The following FNDC3B variants were observed in gnomAD, a reference collection of about 807,000 sequenced individuals.
FNDC3B encodes the protein fibronectin type III domain-containing protein 3B.
FNDC3B carries 12 observed loss-of-function variants against 151.5 expected under a neutral mutation model. The ratio of observed to expected loss-of-function variants is 0.08; its 90% CI spans 0.05 to 0.13. The LOEUF is 0.13. Among genes scored for constraint, FNDC3B ranks in the 10% least tolerant of loss-of-function variants. The probability of loss-of-function intolerance (pLI) is 1.00; values close to 1 mark genes in which losing one functional copy is unlikely to be tolerated. For missense variants in FNDC3B, 1,214 were observed against 1,505.3 expected (o/e 0.81, Z 3.20); for synonymous variants, 528 against 549.0 (o/e 0.96, Z 0.54).
At chr3:172,213,936 A>T (rs1463266051) in intron 3 of FNDC3B, among the ~76,000 whole-genome samples, 2 of 152,198 alleles carry the variant, frequency 1.3e-5, no homozygotes, top group Non-Finnish European at 2.9e-5. Flanking sequence ...TGAAAGTGAA[A>T]TTGTAGCTTG....
chr3:172,359,762 AGTG>A (rs1291712458), intron 22 of FNDC3B, among the ~76,000 whole-genome samples: 1 of 152,204 alleles, frequency 6.6e-6, no homozygotes, highest in Non-Finnish European at 1.5e-5. Context: ...CTAATCTTTC[AGTG>A]TTATACCGAG....
In FNDC3B at chr3:172,116,573, G is replaced by GT. The variant is rs773001347; in HGVS notation, c.111+3993dup. Among the ~76,000 whole-genome samples, 164 of 148,236 alleles carry GT rather than the reference G, an allele frequency of 1.1e-3. 2 individuals are homozygous for GT. In the East Asian group the frequency reaches 0.024, roughly 22 times the overall value. On this transcript the variant is annotated intron_variant, in intron 2 of 25. Coordinates refer to ENST00000415807, the MANE Select transcript of FNDC3B (RefSeq NM_022763.4). The stretch of plus-strand genomic sequence containing the variant: ...CTGGCATCTTTCACCCAACATCTTT[G>GT]TTTTTTTTTTGAGATGGAGTCTCGC...
chr3:172,114,580 T>G (rs900329815), intron 2 of FNDC3B, among the ~76,000 whole-genome samples: 4 of 152,172 alleles, frequency 2.6e-5, no homozygotes, highest in African/African-American at 9.7e-5. Flanking sequence ...TTAACAATTT[T>G]GGTTAATAAA....
intron 12 of FNDC3B, 63 bp from the exon 13 acceptor site, chr3:172,330,478 C>T (rs901088546): frequency 2.5e-5 from 37 of 1,461,778 alleles, no homozygotes; most frequent in African/African-American, 4.2e-5. Flanking sequence ...GAGCCTTCCT[C>T]TTTTAAAATG....
rs889199569 is a variant in FNDC3B at position 172,040,197 on chromosome 3, G to T, written c.-29+426G>T. Among the ~76,000 whole-genome samples, 2 of 152,230 alleles carry T rather than the reference G, an allele frequency of 1.3e-5. No homozygotes were observed. The highest frequency in any genetic ancestry group is 2.9e-5 in the Non-Finnish European group (2 of 68,032). ...CGGCAGGAACGCTGCCCAGGAGGGGGAGGGCGGGCGGCGAGGCCGAGGAAT... is the reference window on the plus strand; with the variant it reads ...CGGCAGGAACGCTGCCCAGGAGGGGTAGGGCGGGCGGCGAGGCCGAGGAAT... On this transcript the variant is annotated intron_variant, in intron 1 of 25. Transcript: ENST00000415807. The surrounding 1 kb of genome is among the most constrained non-coding windows in gnomAD (Gnocchi z 6.6).
chr3:172,335,124 C>A (rs200541978), intron 15 of FNDC3B, 42 bp downstream of exon 15: 13 of 867,678 alleles, frequency 1.5e-5, no homozygotes, highest in East Asian at 4.1e-5. Flanking sequence ...TTTTTTTTTT[C>A]TTTTGATAGA....
intron 7 of FNDC3B, among the ~76,000 whole-genome samples, chr3:172,292,046 G>A (rs1051388503): frequency 6.6e-6 from 1 of 152,180 alleles, no homozygotes; most frequent in Non-Finnish European, 1.5e-5. Context: ...CAGCATGTCA[G>A]TTTCTGGAAT....
chr3:172,216,952 C>A (rs1726010558), intron 3 of FNDC3B, among the ~76,000 whole-genome samples: 1 of 152,182 alleles, frequency 6.6e-6, no homozygotes, highest in Non-Finnish European at 1.5e-5. Context: ...AATGCTCATG[C>A]TGCTTGAGTT....
chr3:172,316,618 T>A (rs1197449445), intron 11 of FNDC3B, among the ~76,000 whole-genome samples: 1 of 152,248 alleles, frequency 6.6e-6, no homozygotes, highest in East Asian at 1.9e-4. Flanking sequence ...GTTGGCTTGT[T>A]TTAAGTTCTG....
chr3:172,372,184 C>G (rs1576955209), intron 23 of FNDC3B, among the ~76,000 whole-genome samples: 1 of 152,290 alleles, frequency 6.6e-6, no homozygotes, highest in East Asian at 1.9e-4. Flanking sequence ...GTGTTGTATC[C>G]AAACTCCCTG....
chr3:172,219,658 A>T (rs966988783), intron 3 of FNDC3B, among the ~76,000 whole-genome samples: 19 of 152,122 alleles, frequency 1.2e-4, no homozygotes, highest in Non-Finnish European at 1.8e-4. Context: ...GGCAACCACC[A>T]ATCTGAGTTC....
chr3:172,218,137 A>G (rs1245397164), intron 3 of FNDC3B, among the ~76,000 whole-genome samples: 36 of 143,518 alleles, frequency 2.5e-4, no homozygotes, highest in African/African-American at 9.2e-4. Context: ...CTTTCAGGAA[A>G]AAAAAAAAAA....
intron 14 of FNDC3B, among the ~76,000 whole-genome samples, chr3:172,333,848 T>C (rs1451814710): frequency 6.6e-6 from 1 of 152,186 alleles, no homozygotes; most frequent in Non-Finnish European, 1.5e-5. Flanking sequence ...CTTCTGCCCA[T>C]TTATTTTTCC....
chr3:172,254,157 T>A (rs2108779514), intron 6 of FNDC3B, among the ~76,000 whole-genome samples: 1 of 152,348 alleles, frequency 6.6e-6, no homozygotes, highest in Admixed American at 6.5e-5. Context: ...GGTCCTGTGG[T>A]AAAACTAAGC....
chr3:172,069,630 A>G (rs1364464330), intron 1 of FNDC3B, among the ~76,000 whole-genome samples: 1 of 152,110 alleles, frequency 6.6e-6, no homozygotes. Context: ...CTGACTTTTC[A>G]TAGCTATCTG....
At chr3:172,140,176 A>G (rs566856077) in intron 3 of FNDC3B, among the ~76,000 whole-genome samples, 11 of 152,196 alleles carry the variant, frequency 7.2e-5, no homozygotes, top group Non-Finnish European at 1.5e-4. Context: ...CTCTAAGCCA[A>G]GATAGTCTGA....
intron 3 of FNDC3B, among the ~76,000 whole-genome samples, chr3:172,153,694 C>G (rs1722344753): frequency 6.6e-6 from 1 of 152,218 alleles, no homozygotes. Flanking sequence ...CCTCAAGAGT[C>G]AAACAGTGAT....
At chr3:172,370,502 G>A (rs1734833995) in intron 23 of FNDC3B, among the ~76,000 whole-genome samples, 1 of 152,142 alleles carries the variant, frequency 6.6e-6, no homozygotes, top group South Asian at 2.1e-4. Flanking sequence ...CCTTTCTAGT[G>A]CATATTCAAT....
In FNDC3B at chr3:172,209,267, G is replaced by T. The variant is rs2108707509; in HGVS notation, c.188-17604G>T. Among the ~76,000 whole-genome samples the T allele has an allele frequency of 2.0e-5, 3 of 152,246 alleles. 1 individual carries two copies. In the South Asian group the frequency reaches 6.2e-4, roughly 32 times the overall value. Reference sequence around the variant, plus strand: ...GCCTAGTGCTGGCAGAGGGCGGGAGGGCTGTAGTGTTACAGCCCCTTTAGC... The same window carrying T: ...GCCTAGTGCTGGCAGAGGGCGGGAGTGCTGTAGTGTTACAGCCCCTTTAGC... On this transcript the variant is annotated intron_variant, in intron 3 of 25. Transcript: ENST00000415807.
Sources: gnomAD v4.1 joint callset for allele counts (sites outside exome capture counted in the v4.1 genomes callset) on GRCh38, gnomAD v4.1.1 for gene constraint, Gnocchi (gnomAD v3.1) non-coding constraint, MANE v1.5 for transcripts, NCBI Gene and HGNC (gene_info 2026-07-23, HGNC 2026-07-21) for gene names.